TAFA2: variants seen among roughly 807,000 people sequenced by gnomAD.
TAFA2 encodes TAFA chemokine like family member 2.
Under a neutral mutation model 18.8 loss-of-function variants are expected in TAFA2, and 7 were observed. The ratio of observed to expected loss-of-function variants is 0.37; its 90% CI spans 0.21 to 0.70. The LOEUF (loss-of-function observed/expected upper bound fraction) is 0.70. Ranked by LOEUF, TAFA2 falls within the 30% of genes least tolerant of loss-of-function variation. TAFA2 has a pLI of 0.53. For synonymous variants in TAFA2, 60 were observed against 54.2 expected (o/e 1.11, Z -0.47); for missense variants, 122 against 158.1 (o/e 0.77, Z 1.23).
chr12:61,927,706 A>G (rs1877364204), intron 1 of TAFA2, among the ~76,000 whole-genome samples: 1 of 152,246 alleles, frequency 6.6e-6, no homozygotes, highest in Non-Finnish European at 1.5e-5. Flanking sequence ...TAGCCAAGAC[A>G]ATCCTAACCA....
chr12:61,856,788 T>A (rs1294208756), intron 2 of TAFA2, among the ~76,000 whole-genome samples: 1 of 151,824 alleles, frequency 6.6e-6, no homozygotes, highest in Non-Finnish European at 1.5e-5. Flanking sequence ...ACTAAGTAAA[T>A]AAACAGATAT....
intron 1 of TAFA2, among the ~76,000 whole-genome samples, chr12:62,020,781 A>G (rs1203786197): frequency 6.7e-6 from 1 of 148,476 alleles, no homozygotes; most frequent in Non-Finnish European, 1.5e-5. Context: ...TTTCTCTGCC[A>G]GGATTGGCAG....
intron 1 of TAFA2, among the ~76,000 whole-genome samples, chr12:62,095,803 G>T (rs540082594): frequency 6.6e-6 from 1 of 152,124 alleles, no homozygotes; most frequent in Admixed American, 6.5e-5. Flanking sequence ...AACTAATATT[G>T]CTCAGAGGTA....
At chr12:62,079,246 C>T (rs903067923) in intron 1 of TAFA2, among the ~76,000 whole-genome samples, 2 of 152,158 alleles carry the variant, frequency 1.3e-5, no homozygotes, top group African/African-American at 4.8e-5. Context: ...CCAGCTACAA[C>T]TGGATCACCC....
chr12:62,108,434 A>G (rs1424154576), intron 1 of TAFA2, among the ~76,000 whole-genome samples: 1 of 152,214 alleles, frequency 6.6e-6, no homozygotes, highest in Non-Finnish European at 1.5e-5. Context: ...ATTGTGAACA[A>G]TGGTGCATTA....
chr12:61,957,563 A>G (rs1878739753), intron 1 of TAFA2, among the ~76,000 whole-genome samples: 1 of 152,128 alleles, frequency 6.6e-6, no homozygotes, highest in South Asian at 2.1e-4. Context: ...AATTCTCACT[A>G]AACTGACTTA....
At chr12:61,729,534 T>C (rs1220368353) in intron 4 of TAFA2, among the ~76,000 whole-genome samples, 1 of 152,078 alleles carries the variant, frequency 6.6e-6, no homozygotes, top group African/African-American at 2.4e-5. Flanking sequence ...CCAGTGTATT[T>C]TGCATTTTTC....
intron 1 of TAFA2, among the ~76,000 whole-genome samples, chr12:62,040,602 T>G (rs1033191542): frequency 5.9e-5 from 9 of 152,062 alleles, no homozygotes; most frequent in Non-Finnish European, 1.3e-4. Flanking sequence ...TCTAGAGGCT[T>G]CGGGGAGAAC....
intron 1 of TAFA2, among the ~76,000 whole-genome samples, chr12:62,044,263 A>G (rs1288130982): frequency 2.0e-5 from 3 of 152,088 alleles, no homozygotes; most frequent in South Asian, 2.1e-4. Flanking sequence ...AGTTCTTAAT[A>G]CTAGTAAAAT....
chr12:61,769,540 C>T (rs1274807764), intron 2 of TAFA2, among the ~76,000 whole-genome samples: 1 of 152,168 alleles, frequency 6.6e-6, no homozygotes, highest in East Asian at 1.9e-4. Context: ...AGATGAGAGA[C>T]CTGAAGACAG....
At chr12:62,071,468 T>A (rs1436417706) in intron 1 of TAFA2, among the ~76,000 whole-genome samples, 2 of 152,080 alleles carry the variant, frequency 1.3e-5, no homozygotes, top group Non-Finnish European at 1.5e-5. Flanking sequence ...ATGGTCTCAT[T>A]CGCACTTTTA....
At chr12:61,791,060 T>C (rs754797746) in intron 2 of TAFA2, among the ~76,000 whole-genome samples, 1 of 151,450 alleles carries the variant, frequency 6.6e-6, no homozygotes, top group Admixed American at 6.6e-5. Context: ...AATACACACA[T>C]CAGCACTGAT....
At chr12:61,987,539 A>G (rs1375864777) in intron 1 of TAFA2, among the ~76,000 whole-genome samples, 3 of 152,220 alleles carry the variant, frequency 2.0e-5, no homozygotes, top group African/African-American at 7.2e-5. Flanking sequence ...CTACCATGGA[A>G]ATATTATTCC....
chr12:61,956,485 A>T (rs1184613578), intron 1 of TAFA2, among the ~76,000 whole-genome samples: 1 of 152,112 alleles, frequency 6.6e-6, no homozygotes, highest in African/African-American at 2.4e-5. Flanking sequence ...TAAAATGACT[A>T]CATTTTCAGT....
Position 62,030,866 on chromosome 12 carries a change from G to A in TAFA2, c.-2+160393C>T, listed in dbSNP as rs979820952. Among the ~76,000 whole-genome samples the A allele has an allele frequency of 7.2e-5, 11 of 152,124 alleles. No individual in the cohort carries two copies. The East Asian group carries it at 1.9e-3, about 27-fold the overall frequency. On this transcript the variant is annotated intron_variant, in intron 1 of 4. Coordinates refer to ENST00000416284, the MANE Select transcript of TAFA2 (RefSeq NM_178539.5). ...AGCAAATGGTAAAGGTAAGGCTTTG[G>A]GTTTCAGAAGTAGGAGTAACGGGTT...
upstream of TAFA2, among the ~76,000 whole-genome samples, chr12:62,194,289 T>C (rs188175691): frequency 1.1e-4 from 17 of 150,756 alleles, no homozygotes; most frequent in East Asian, 3.3e-3. Flanking sequence ...CTTTAGAACA[T>C]TGGCTTTCTT....
In TAFA2 at chr12:61,885,155, T is replaced by C. The variant is rs148577268; in HGVS notation, c.-1-17729A>G. 8.6e-3 allele frequency among the ~76,000 whole-genome samples: 1,307 copies of C among 152,336 alleles called. 13 individuals carry two copies. The highest frequency in any genetic ancestry group is 0.029 in the African/African-American group (1,214 of 41,582). ...AAAACTGAGGCTCAGAGGGATGAAG[T>C]GACTTGCTCAGTCAGAGCACACCCA... is the stretch of plus-strand genomic sequence containing the variant. On this transcript the variant is annotated intron_variant, in intron 1 of 4. Coordinates refer to ENST00000416284, the MANE Select transcript of TAFA2 (RefSeq NM_178539.5).
chr12:61,981,564 A>G (rs1879637505), intron 1 of TAFA2, among the ~76,000 whole-genome samples: 1 of 152,224 alleles, frequency 6.6e-6, no homozygotes, highest in Non-Finnish European at 1.5e-5. Context: ...TACCCATCTG[A>G]TAAAGGGCTA....
chr12:61,928,311 C>A (rs1354132896), intron 1 of TAFA2, among the ~76,000 whole-genome samples: 1 of 152,036 alleles, frequency 6.6e-6, no homozygotes, highest in Non-Finnish European at 1.5e-5. Flanking sequence ...AACAAATTTA[C>A]AAACAAACAA....
Sources: allele counts gnomAD v4.1 joint callset (sites outside exome capture counted in the v4.1 genomes callset), GRCh38; gene constraint gnomAD v4.1.1; transcripts MANE v1.5; gene names NCBI Gene and HGNC (gene_info 2026-07-23, HGNC 2026-07-21).